The following CAMKMT variants were observed in gnomAD, a reference collection of about 807,000 sequenced individuals.
CAMKMT encodes CaM KMT.
A neutral mutation model predicts 48.0 loss-of-function variants in CAMKMT; 53 were observed. That is an observed-to-expected ratio of 1.10 (90% CI 0.89 to 1.39). The LOEUF is 1.39. Among genes scored for constraint, CAMKMT ranks in the 40% most tolerant of loss-of-function variants. The probability of loss-of-function intolerance (pLI) is 0.00; values close to 1 mark genes in which losing one functional copy is unlikely to be tolerated. For synonymous variants in CAMKMT, 165 were observed against 152.3 expected (o/e 1.08, Z -0.61); for missense variants, 428 against 402.7 (o/e 1.06, Z -0.54).
At chr2:44,718,986 T>C (rs944495694) in intron 7 of CAMKMT, among the ~76,000 whole-genome samples, 2 of 152,188 alleles carry the variant, frequency 1.3e-5, no homozygotes, top group African/African-American at 4.8e-5. Context: ...CAGTTTCCTT[T>C]AGAGGTTAAA....
At chr2:44,703,234 T>C (rs1428129580) in intron 3 of CAMKMT, among the ~76,000 whole-genome samples, 2 of 152,170 alleles carry the variant, frequency 1.3e-5, no homozygotes, top group South Asian at 2.1e-4. Flanking sequence ...AAAACACTTA[T>C]AATCCTACCA....
At chr2:44,481,963 A>T (rs1039478768) in intron 3 of CAMKMT, among the ~76,000 whole-genome samples, 1 of 152,124 alleles carries the variant, frequency 6.6e-6, no homozygotes. Context: ...TTTAAAAATG[A>T]ATATGTATTT....
intron 3 of CAMKMT, among the ~76,000 whole-genome samples, chr2:44,644,542 T>G (rs2104012449): frequency 6.6e-6 from 1 of 152,358 alleles, no homozygotes; most frequent in Admixed American, 6.5e-5. Flanking sequence ...CTGAAAAGGC[T>G]TTTGTATTTT....
At chr2:44,660,612 A>G (rs1036370349) in intron 3 of CAMKMT, among the ~76,000 whole-genome samples, 2 of 152,110 alleles carry the variant, frequency 1.3e-5, no homozygotes, top group Admixed American at 6.5e-5. Context: ...TCTGGCCAAT[A>G]TATTTTTTTG....
chr2:44,744,608 T>G (rs61225674), intron 8 of CAMKMT, among the ~76,000 whole-genome samples: 5,579 of 152,242 alleles, frequency 0.037, 202 homozygotes, highest in African/African-American at 0.091. Context: ...GTTCAGATTC[T>G]GAAGAAGTTC....
In CAMKMT at chr2:44,469,800, ATTAC is replaced by A. The variant is rs534068964; in HGVS notation, c.376+79498_376+79501del. Among the ~76,000 whole-genome samples the A allele has an allele frequency of 1.8e-4, 28 of 151,692 alleles. No individual in the cohort carries two copies. In the East Asian group the frequency reaches 5.0e-3, roughly 27 times the overall value. On this transcript the variant is annotated intron_variant, in intron 3 of 10. Coordinates refer to ENST00000378494, the MANE Select transcript of CAMKMT (RefSeq NM_024766.5). ...TTTAATTGTATCCTTTTCATCTTCT[ATTAC>A]TTTTAAGGTATTATCAGTTACGTTT...
chr2:44,708,667 G>A (rs941711605), intron 6 of CAMKMT, among the ~76,000 whole-genome samples: 10 of 152,080 alleles, frequency 6.6e-5, no homozygotes, highest in African/African-American at 2.4e-4. Flanking sequence ...TCCTGAAGAT[G>A]AGCAGATGTT....
intron 3 of CAMKMT, among the ~76,000 whole-genome samples, chr2:44,683,125 A>C (rs1676116172): frequency 3.9e-5 from 6 of 152,152 alleles, no homozygotes; most frequent in Admixed American, 3.9e-4. Flanking sequence ...CTGCAGCTGA[A>C]TGTATCTGTA....
At chr2:44,572,046 A>G (rs1253497777) in intron 3 of CAMKMT, among the ~76,000 whole-genome samples, 2 of 152,128 alleles carry the variant, frequency 1.3e-5, no homozygotes, top group South Asian at 2.1e-4. Flanking sequence ...CAGTGGCACT[A>G]AGTATATTTA....
intron 3 of CAMKMT, among the ~76,000 whole-genome samples, chr2:44,561,815 A>T (rs1668338637): frequency 6.6e-6 from 1 of 152,230 alleles, no homozygotes; most frequent in African/African-American, 2.4e-5. Context: ...AGTAGATCTG[A>T]TACTGCTAAA....
intron 3 of CAMKMT, among the ~76,000 whole-genome samples, chr2:44,658,417 C>T (rs1331687605): frequency 6.6e-6 from 1 of 151,066 alleles, no homozygotes; most frequent in African/African-American, 2.4e-5. Flanking sequence ...CTCACCACCG[C>T]CCTACACAGT....
intron 3 of CAMKMT, among the ~76,000 whole-genome samples, chr2:44,540,984 A>G (rs972980617): frequency 6.6e-6 from 1 of 152,190 alleles, no homozygotes; most frequent in Non-Finnish European, 1.5e-5. Context: ...CTTTGTCTCA[A>G]TGATTTGACA....
At chr2:44,640,436 C>T (rs971538864) in intron 3 of CAMKMT, among the ~76,000 whole-genome samples, 1 of 152,176 alleles carries the variant, frequency 6.6e-6, no homozygotes, top group Admixed American at 6.5e-5. Flanking sequence ...CTGGGTTGCA[C>T]ATAATTTAAC....
At chr2:44,406,394 G>T (rs1682780687) in intron 3 of CAMKMT, among the ~76,000 whole-genome samples, 1 of 151,930 alleles carries the variant, frequency 6.6e-6, no homozygotes, top group Non-Finnish European at 1.5e-5. Flanking sequence ...TATTATAAGA[G>T]ATATTCCTAT....
chr2:44,401,559 A>T (rs1035055454), intron 3 of CAMKMT, among the ~76,000 whole-genome samples: 9 of 152,166 alleles, frequency 5.9e-5, no homozygotes, highest in South Asian at 2.1e-4. Flanking sequence ...TCTCAAAAAA[A>T]AAAATAAAAT....
At chr2:44,552,963 G>C (rs1667802609) in intron 3 of CAMKMT, among the ~76,000 whole-genome samples, 1 of 152,278 alleles carries the variant, frequency 6.6e-6, no homozygotes, top group East Asian at 1.9e-4. Context: ...AGGATAATTG[G>C]AAAGAAACTA....
chr2:44,598,626 AG>A (rs2103848006), intron 3 of CAMKMT, among the ~76,000 whole-genome samples: 1 of 150,554 alleles, frequency 6.6e-6, no homozygotes, highest in African/African-American at 2.5e-5. Context: ...CAATGATTAA[AG>A]GAGAAACTTA....
intron 3 of CAMKMT, among the ~76,000 whole-genome samples, chr2:44,641,271 C>T (rs1673436581): frequency 1.3e-5 from 2 of 152,132 alleles, no homozygotes; most frequent in Admixed American, 6.6e-5. Context: ...AGATGACCTA[C>T]GGTTGCCTAT....
At chr2:44,766,877 GA>G (rs1468334203) in intron 10 of CAMKMT, among the ~76,000 whole-genome samples, 2 of 152,182 alleles carry the variant, frequency 1.3e-5, no homozygotes, top group East Asian at 1.9e-4. Context: ...ATATTTTAAT[GA>G]AAAACCTTCA....
Sources: allele counts gnomAD v4.1 joint callset (sites outside exome capture counted in the v4.1 genomes callset), GRCh38; gene constraint gnomAD v4.1.1; transcripts MANE v1.5; gene names NCBI Gene and HGNC (gene_info 2026-07-23, HGNC 2026-07-21).